The following UVRAG variants were observed in gnomAD, a reference collection of about 807,000 sequenced individuals.
The protein encoded by UVRAG is UV radiation resistance associated.
Under a neutral mutation model 78.0 loss-of-function variants are expected in UVRAG, and 19 were observed. The observed-to-expected ratio is 0.24, with a 90% CI of 0.17 to 0.36. The LOEUF (loss-of-function observed/expected upper bound fraction) is 0.36. Among genes scored for constraint, UVRAG ranks in the 10% least tolerant of loss-of-function variants. The probability of loss-of-function intolerance (pLI) is 1.00; values close to 1 mark genes in which losing one functional copy is unlikely to be tolerated. For missense variants in UVRAG, 740 were observed against 853.8 expected, an observed-to-expected ratio of 0.87 and a Z score of 1.66; for synonymous variants, 323 against 324.6, an observed-to-expected ratio of 1.00 and a Z score of 0.05.
intron 5 of UVRAG, among the ~76,000 whole-genome samples, chr11:75,906,726 T>G (rs1284126501): frequency 1.3e-5 from 2 of 152,204 alleles, no homozygotes; most frequent in Admixed American, 1.3e-4. Context: ...AGGTCCAACT[T>G]CATTCTTTTA....
At chr11:76,077,310 A>G (rs1177506552) in intron 13 of UVRAG, among the ~76,000 whole-genome samples, 1 of 151,968 alleles carries the variant, frequency 6.6e-6, no homozygotes, top group African/African-American at 2.4e-5. Context: ...TCTAGTTGCA[A>G]ATGATTGGTT....
chr11:76,092,012 G>A (rs547742585), intron 13 of UVRAG, among the ~76,000 whole-genome samples: 111 of 151,442 alleles, frequency 7.3e-4, no homozygotes, highest in African/African-American at 1.8e-3. Context: ...AGGCCCCGGC[G>A]TGTGATATTC....
chr11:76,019,294 C>A (rs1481402236), intron 12 of UVRAG, among the ~76,000 whole-genome samples: 2 of 152,180 alleles, frequency 1.3e-5, no homozygotes, highest in Non-Finnish European at 2.9e-5. Flanking sequence ...ATTTTGAATT[C>A]TCTGTCCGAA....
intron 12 of UVRAG, among the ~76,000 whole-genome samples, chr11:76,028,286 C>T (rs1205114100): frequency 2.0e-5 from 3 of 152,100 alleles, no homozygotes; most frequent in African/African-American, 7.2e-5. Context: ...CCCCATCTCT[C>T]TCCCTCTCCT....
At chr11:76,082,357 G>A (rs1364186119) in intron 13 of UVRAG, among the ~76,000 whole-genome samples, 1 of 151,718 alleles carries the variant, frequency 6.6e-6, no homozygotes, top group Non-Finnish European at 1.5e-5. Context: ...TGGCTAACAC[G>A]GTGAAACCCT....
At chr11:75,847,699 C>T (rs1015089756) in intron 1 of UVRAG, among the ~76,000 whole-genome samples, 4 of 151,780 alleles carry the variant, frequency 2.6e-5, no homozygotes, top group Non-Finnish European at 5.9e-5. Flanking sequence ...CGACTGGGCA[C>T]GGTGGCTCAC....
chr11:76,075,719 C>T (rs558549095), intron 13 of UVRAG, among the ~76,000 whole-genome samples: 1 of 152,256 alleles, frequency 6.6e-6, no homozygotes, highest in East Asian at 1.9e-4. Flanking sequence ...CAAAAGAAAC[C>T]CTGTACCCAC....
intron 7 of UVRAG, among the ~76,000 whole-genome samples, chr11:75,971,737 G>A (rs1287769397): frequency 6.6e-6 from 1 of 151,640 alleles, no homozygotes; most frequent in Non-Finnish European, 1.5e-5. Flanking sequence ...TCAGGCTGGA[G>A]TGCTGTAGCA....
chr11:75,943,226 G>A (rs939084916), intron 6 of UVRAG, among the ~76,000 whole-genome samples: 1 of 151,148 alleles, frequency 6.6e-6, no homozygotes, highest in Non-Finnish European at 1.5e-5. Context: ...TGTAGTTATC[G>A]ATCTATTCAG....
chr11:75,875,425 ATTT>A (rs1307973078), intron 3 of UVRAG, among the ~76,000 whole-genome samples: 3 of 140,394 alleles, frequency 2.1e-5, no homozygotes, highest in Non-Finnish European at 3.1e-5. Flanking sequence ...ATATGGTTTT[ATTT>A]ATCTTGCTTA....
chr11:76,016,287 A>G (rs1251512391), intron 11 of UVRAG, among the ~76,000 whole-genome samples: 1 of 152,152 alleles, frequency 6.6e-6, no homozygotes, highest in African/African-American at 2.4e-5. Context: ...TCATAGACTT[A>G]TTATGTAACC....
At chr11:75,815,666 G>T in intron 1 of UVRAG, 142 bp downstream of exon 1, 2 of 456,740 alleles carry the variant, frequency 4.4e-6, no homozygotes, top group South Asian at 1.2e-4. Context: ...AGACTGTCAG[G>T]AGGTTTGTGC....
At chr11:75,936,459 GCTTTTT>G (rs1160624656) in intron 6 of UVRAG, among the ~76,000 whole-genome samples, 2 of 152,124 alleles carry the variant, frequency 1.3e-5, no homozygotes, top group African/African-American at 4.8e-5. Context: ...AAAGCTTTCA[GCTTTTT>G]CTGTTTAATT....
At chr11:75,973,863 T>C (rs1949175720) in intron 7 of UVRAG, among the ~76,000 whole-genome samples, 1 of 152,228 alleles carries the variant, frequency 6.6e-6, no homozygotes, top group African/African-American at 2.4e-5. Flanking sequence ...GCTTCATCCA[T>C]GTCACTGCAA....
Position 76,095,623 on chromosome 11 carries a change from T to C in UVRAG, c.1306-20301T>C, listed in dbSNP as rs115328578. On this transcript the variant is annotated intron_variant, in intron 13 of 14. Transcript: ENST00000356136. ...TATCTCTTGCCTGTAATCCCAATGCTTTGGGAGGCCAAAGTGAAAAGATCA... is the reference window on the plus strand; with the variant it reads ...TATCTCTTGCCTGTAATCCCAATGCCTTGGGAGGCCAAAGTGAAAAGATCA... Among the ~76,000 whole-genome samples the C allele has an allele frequency of 7.6e-3, 1,149 of 151,368 alleles. 20 individuals are homozygous for C. Among genetic ancestry groups the C allele is most frequent in the African/African-American group, 0.027 (1,104 of 41,374 alleles).
At chr11:76,022,498 C>G (rs1950263617) in intron 12 of UVRAG, among the ~76,000 whole-genome samples, 2 of 152,040 alleles carry the variant, frequency 1.3e-5, no homozygotes, top group South Asian at 4.1e-4. Flanking sequence ...CTTGTTATGT[C>G]TGCCTGATGA....
chr11:75,973,584 T>G (rs1407564582), intron 7 of UVRAG, among the ~76,000 whole-genome samples: 1 of 152,174 alleles, frequency 6.6e-6, no homozygotes, highest in African/African-American at 2.4e-5. Context: ...ATACTTTAAG[T>G]TCTAGGGTAC....
chr11:76,140,112 CCTCTCTCTCTCTCTCTCT>C (rs745755879), intron 14 of UVRAG, among the ~76,000 whole-genome samples: 1 of 11,294 alleles, frequency 8.9e-5, no homozygotes, highest in African/African-American at 4.9e-4. Context: ...TCCCTCCCTC[CCTCTCTCTCTCTCTCTCT>C]CTCTCTCTCT....
chr11:76,126,296 ATATTT>A (rs1418601199), intron 14 of UVRAG, among the ~76,000 whole-genome samples: 2 of 152,222 alleles, frequency 1.3e-5, no homozygotes, highest in African/African-American at 4.8e-5. Context: ...TTTTAATAAT[ATATTT>A]TATTTAATTC....
Sources: gnomAD v4.1 joint callset for allele counts (sites outside exome capture counted in the v4.1 genomes callset) on GRCh38, gnomAD v4.1.1 for gene constraint, MANE v1.5 for transcripts, NCBI Gene and HGNC (gene_info 2026-07-23, HGNC 2026-07-21) for gene names.